ERC2: variants seen among roughly 807,000 people sequenced by gnomAD.
The protein encoded by ERC2 is ERC protein 2.
A neutral mutation model predicts 114.8 loss-of-function variants in ERC2; 42 were observed. That is an observed-to-expected ratio of 0.37 (90% CI 0.29 to 0.47). ERC2 has a LOEUF of 0.47. Among genes scored for constraint, ERC2 ranks in the 20% least tolerant of loss-of-function variants. The pLI is 0.99. For missense variants in ERC2, 939 were observed against 1,150.7 expected, an observed-to-expected ratio of 0.82 and a Z score of 2.66; for synonymous variants, 454 against 425.5, an observed-to-expected ratio of 1.07 and a Z score of -0.82.
intron 2 of ERC2, among the ~76,000 whole-genome samples, chr3:56,419,810 T>C (rs1408565332): frequency 6.6e-6 from 1 of 152,228 alleles, no homozygotes; most frequent in African/African-American, 2.4e-5. Flanking sequence ...ATCCAGATTA[T>C]GCACACCTTT....
At chr3:55,573,795 A>G (rs918804730) in intron 17 of ERC2, among the ~76,000 whole-genome samples, 1 of 152,024 alleles carries the variant, frequency 6.6e-6, no homozygotes. Flanking sequence ...GATTCTGTCA[A>G]CACACTTTTC....
intron 1 of ERC2, among the ~76,000 whole-genome samples, chr3:56,444,519 A>G (rs1446035505): frequency 6.6e-6 from 1 of 152,218 alleles, no homozygotes; most frequent in Non-Finnish European, 1.5e-5. Context: ...ACCTATAAGA[A>G]TGCTTTCTCT....
Position 56,450,976 on chromosome 3 carries a change from A to G in ERC2, c.-140-15829T>C, listed in dbSNP as rs758083192. 5.9e-5 allele frequency among the ~76,000 whole-genome samples: 9 copies of G among 152,366 alleles called. No individual in the cohort carries two copies. The East Asian group carries it at 1.3e-3, about 23-fold the overall frequency. ...ATAACAACATTATTCATCGCCCCAT[A>G]AAGTCTCATAAATAGAACAAATTAA... On this transcript the variant is annotated intron_variant, in intron 1 of 17. Transcript: ENST00000288221.
intron 17 of ERC2, among the ~76,000 whole-genome samples, chr3:55,624,885 AG>A (rs972002426): frequency 6.6e-6 from 1 of 152,180 alleles, no homozygotes; most frequent in African/African-American, 2.4e-5. Context: ...GCTGGTCCCT[AG>A]TTCCCTCTTC....
chr3:56,222,455 G>A (rs1023597036), intron 3 of ERC2, among the ~76,000 whole-genome samples: 1 of 152,054 alleles, frequency 6.6e-6, no homozygotes, highest in Non-Finnish European at 1.5e-5. Flanking sequence ...TCATCCATTG[G>A]CCAACTGTTA....
intron 7 of ERC2, among the ~76,000 whole-genome samples, chr3:56,059,079 CT>C (rs915988024): frequency 7.2e-5 from 10 of 139,068 alleles, no homozygotes; most frequent in African/African-American, 2.3e-4. Context: ...ATAAAGATAT[CT>C]TTTTTTTATT....
intron 3 of ERC2, among the ~76,000 whole-genome samples, chr3:56,194,302 A>C (rs973000844): frequency 3.3e-5 from 5 of 152,162 alleles, no homozygotes; most frequent in African/African-American, 1.2e-4. Context: ...TGGAAAAAAA[A>C]GGTATTTGCA....
chr3:55,879,255 C>T (rs2063012417), intron 14 of ERC2, among the ~76,000 whole-genome samples: 1 of 152,016 alleles, frequency 6.6e-6, no homozygotes, highest in African/African-American at 2.4e-5. Flanking sequence ...TTGCCTTTCA[C>T]TTGGGATGAA....
chr3:55,763,943 C>T (rs1489859992), intron 14 of ERC2, among the ~76,000 whole-genome samples: 4 of 152,138 alleles, frequency 2.6e-5, no homozygotes, highest in Admixed American at 6.5e-5. Flanking sequence ...TGGCTTCTCA[C>T]GACGTATTTT....
chr3:55,844,284 T>C (rs1559750864), intron 14 of ERC2, among the ~76,000 whole-genome samples: 1 of 152,148 alleles, frequency 6.6e-6, no homozygotes, highest in Admixed American at 6.5e-5. Flanking sequence ...CTATTCATAA[T>C]AGTCCCCAAA....
intron 11 of ERC2, among the ~76,000 whole-genome samples, chr3:55,991,795 C>T (rs1311545230): frequency 2.6e-5 from 4 of 152,158 alleles, no homozygotes; most frequent in African/African-American, 9.7e-5. Flanking sequence ...GCTGGAAAAA[C>T]GCTAGATCAT....
chr3:56,081,169 G>A (rs1054701901), intron 6 of ERC2, among the ~76,000 whole-genome samples, 185 bp from the exon 7 acceptor site: 4 of 149,802 alleles, frequency 2.7e-5, no homozygotes, highest in Admixed American at 6.8e-5. Flanking sequence ...GCCCTATTGT[G>A]TGCACATCTC....
intron 7 of ERC2, among the ~76,000 whole-genome samples, chr3:56,032,977 G>GAAAGAGAA (rs767054115): frequency 0.011 from 482 of 45,386 alleles, 38 homozygotes; most frequent in East Asian, 0.062. Context: ...AAGAAAGAAA[G>GAAAGAGAA]AGAAAGAAAG....
At chr3:55,698,204 T>A (rs1429063168) in intron 16 of ERC2, among the ~76,000 whole-genome samples, 2 of 152,030 alleles carry the variant, frequency 1.3e-5, no homozygotes, top group Non-Finnish European at 2.9e-5. Context: ...TGTTGGGGTC[T>A]CGGAGGGCAA....
intron 5 of ERC2, among the ~76,000 whole-genome samples, chr3:56,143,805 T>C (rs761015322): frequency 5.9e-5 from 9 of 152,234 alleles, no homozygotes; most frequent in Non-Finnish European, 1.2e-4. Flanking sequence ...TTAAAATATA[T>C]GTTTAAAAAT....
intron 1 of ERC2, among the ~76,000 whole-genome samples, chr3:56,447,100 A>C (rs2062610789): frequency 6.6e-6 from 1 of 152,224 alleles, no homozygotes; most frequent in South Asian, 2.1e-4. Flanking sequence ...TCATGTTCCC[A>C]TACAGGCCAT....
At chr3:56,251,006 T>A (rs2052111988) in intron 3 of ERC2, among the ~76,000 whole-genome samples, 1 of 152,228 alleles carries the variant, frequency 6.6e-6, no homozygotes, top group Non-Finnish European at 1.5e-5. Context: ...AAGAGACCAC[T>A]TAACACAGGC....
intron 4 of ERC2, among the ~76,000 whole-genome samples, chr3:56,158,808 G>T (rs1207617911): frequency 6.7e-6 from 1 of 150,064 alleles, no homozygotes; most frequent in Non-Finnish European, 1.5e-5. Flanking sequence ...TAACAAACTT[G>T]TTTTTTTTCA....
rs112694105 is a variant in ERC2, at chr3:56,139,862, G to A, written c.1306-186C>T. On this transcript the variant is annotated intron_variant, in intron 5 of 17. Transcript: ENST00000288221. ...GTCTTTGGGTTCTGGAGGAAAATCT[G>A]TAAAGGTCACTGAGAGTATAGGAAA... Among the ~76,000 whole-genome samples the A allele has an allele frequency of 3.8e-3, 586 of 152,274 alleles. 2 individuals are homozygous for A. The highest frequency in any genetic ancestry group is 0.014 in the African/African-American group (565 of 41,562).
Sources: gnomAD v4.1 joint callset for allele counts (sites outside exome capture counted in the v4.1 genomes callset) on GRCh38, gnomAD v4.1.1 for gene constraint, MANE v1.5 for transcripts, NCBI Gene and HGNC (gene_info 2026-07-23, HGNC 2026-07-21) for gene names.